WDR64: variants seen among roughly 807,000 people sequenced by gnomAD.
The protein encoded by WDR64 is WD repeat domain 64.
Under a neutral mutation model 139.3 loss-of-function variants are expected in WDR64, and 112 were observed. The observed-to-expected ratio is 0.80, with a 90% CI of 0.69 to 0.94. The LOEUF is 0.94. Among genes scored for constraint, WDR64 ranks in the 40% least tolerant of loss-of-function variants. The pLI, the probability that WDR64 is intolerant of heterozygous loss-of-function variation, is 0.00. For synonymous variants in WDR64, 444 were observed against 437.7 expected, an observed-to-expected ratio of 1.01 and a Z score of -0.18; for missense variants, 1,206 against 1,293.1, an observed-to-expected ratio of 0.93 and a Z score of 1.03.
intron 12 of WDR64, among the ~76,000 whole-genome samples, chr1:241,741,968 A>G (rs147048502): frequency 1.3e-5 from 2 of 152,302 alleles, no homozygotes; most frequent in Admixed American, 1.3e-4. Context: ...TGATTTTTTT[A>G]AAGGAGTACG....
At chr1:241,765,479 G>A (rs1488828741) in intron 15 of WDR64, among the ~76,000 whole-genome samples, 2 of 152,176 alleles carry the variant, frequency 1.3e-5, no homozygotes, top group African/African-American at 4.8e-5. Flanking sequence ...AAAAAGAAAA[G>A]TCGCAGAGAC....
Position 241,790,773 on chromosome 1 carries a change from T to A in WDR64, c.2997+77T>A, listed in dbSNP as rs893018325. 3 of 1,042,688 alleles carry A rather than the reference T, an allele frequency of 2.9e-6. No individual in the cohort carries two copies. In the African/African-American group the frequency reaches 4.8e-5, roughly 17 times the overall value. 64.6% of individuals were successfully genotyped at this position (1,042,688 alleles called of 1,614,324 possible). On this transcript the variant is annotated intron_variant, in intron 25 of 27. Transcript: ENST00000437684. ...GCTTTTGTTTTTCTGAATTCAAATATGTCCAGTAATATAACATATTAATTT... is the reference window on the plus strand; with the variant it reads ...GCTTTTGTTTTTCTGAATTCAAATAAGTCCAGTAATATAACATATTAATTT...
chr1:241,763,613 G>A (rs540770460), intron 15 of WDR64, among the ~76,000 whole-genome samples: 50 of 152,300 alleles, frequency 3.3e-4, no homozygotes, highest in Non-Finnish European at 3.4e-4. Flanking sequence ...GCTGAGGCAT[G>A]AGAATCACTT....
chr1:241,767,998 G>A (rs1020053017), intron 16 of WDR64, among the ~76,000 whole-genome samples: 1 of 152,040 alleles, frequency 6.6e-6, no homozygotes, highest in Admixed American at 6.6e-5. Flanking sequence ...ATGCTTTCAC[G>A]CTGTGTCAGC....
chr1:241,786,791 T>C (rs1659053966), intron 23 of WDR64, among the ~76,000 whole-genome samples: 1 of 152,142 alleles, frequency 6.6e-6, no homozygotes, highest in Admixed American at 6.5e-5. Context: ...GAACGGGCAG[T>C]GTTATTTTCC....
intron 10 of WDR64, among the ~76,000 whole-genome samples, chr1:241,725,644 C>T (rs1207931951): frequency 6.6e-6 from 1 of 152,158 alleles, no homozygotes; most frequent in East Asian, 1.9e-4. Flanking sequence ...CACCCGGCAC[C>T]TGCCTCCTCC....
chr1:241,723,335 A>G lies in WDR64; in HGVS notation c.1093A>G (p.Ser365Gly), dbSNP rs1668676753. 1 of 1,613,930 alleles carries G rather than the reference A, an allele frequency of 6.2e-7. No homozygotes were observed. Among genetic ancestry groups the G allele is most frequent in the Admixed American group, 1.7e-5 (1 of 60,002 alleles). The change falls in exon 10 of 28, where the codon AGC (serine) becomes GGC (glycine). Residue 365 changes from serine (S) to glycine (G), a missense_variant. Coordinates refer to ENST00000437684, the MANE Select transcript of WDR64 (RefSeq NM_001367482.1). The part of the protein sequence containing the change: ...KVIRLWHPNI[S>G]TKPVGKLVGH... ...CATCCGGTTGTGGCACCCCAATATC[A>G]GCACCAAGCCAGTAGGGAAACTTGT...
intron 14 of WDR64, among the ~76,000 whole-genome samples, chr1:241,756,710 AGT>A (rs1434978069): frequency 1.3e-5 from 2 of 152,184 alleles, no homozygotes; most frequent in Non-Finnish European, 2.9e-5. Context: ...TAGCTAGAAA[AGT>A]TGAAGATATG....
chr1:241,785,437 T>C (rs191001099), intron 23 of WDR64, among the ~76,000 whole-genome samples: 4 of 152,244 alleles, frequency 2.6e-5, no homozygotes, highest in Non-Finnish European at 4.4e-5. Flanking sequence ...ACTAATTCCA[T>C]TCATGAAGAC....
chr1:241,733,227 C>A (rs1669161502), intron 10 of WDR64, among the ~76,000 whole-genome samples: 1 of 152,158 alleles, frequency 6.6e-6, no homozygotes, highest in Non-Finnish European at 1.5e-5. Flanking sequence ...GTAATCCCAG[C>A]ACTTTGGGGG....
intron 3 of WDR64, 80 bp from the exon 4 acceptor site, chr1:241,674,564 T>A: frequency 1.1e-6 from 1 of 921,782 alleles, no homozygotes; most frequent in Non-Finnish European, 1.6e-6. Context: ...GCCATATCAT[T>A]TTTTAAAAAA....
At chr1:241,760,923 G>A (rs1010542185) in intron 15 of WDR64, among the ~76,000 whole-genome samples, 1 of 151,844 alleles carries the variant, frequency 6.6e-6, no homozygotes, top group Admixed American at 6.6e-5. Context: ...CCACCACCAC[G>A]CCCGGCTAGT....
chr1:241,721,382 CTG>C (rs72102862), intron 9 of WDR64, among the ~76,000 whole-genome samples: 9,777 of 152,086 alleles, frequency 0.064, 1,051 homozygotes, highest in African/African-American at 0.22. Flanking sequence ...TAAATTATGA[CTG>C]TTAATAATTT....
At chr1:241,710,293 C>G (rs1183673375) in intron 8 of WDR64, among the ~76,000 whole-genome samples, 1 of 152,032 alleles carries the variant, frequency 6.6e-6, no homozygotes, top group African/African-American at 2.4e-5. Flanking sequence ...TGTTGCTAAT[C>G]TCTGAGGTTG....
chr1:241,784,720 C>A (rs1278076564), intron 23 of WDR64, among the ~76,000 whole-genome samples: 2 of 151,956 alleles, frequency 1.3e-5, no homozygotes, highest in Non-Finnish European at 2.9e-5. Context: ...CTTTGGGAGG[C>A]CGAGGCGGGT....
At chr1:241,750,756 G>C (rs1407835906) in intron 14 of WDR64, among the ~76,000 whole-genome samples, 1 of 152,302 alleles carries the variant, frequency 6.6e-6, no homozygotes, top group East Asian at 1.9e-4. Context: ...CCTGCAGATT[G>C]ATCTTGGTAG....
At chr1:241,712,097 T>C (rs1668193842) in intron 9 of WDR64, among the ~76,000 whole-genome samples, 1 of 152,240 alleles carries the variant, frequency 6.6e-6, no homozygotes, top group South Asian at 2.1e-4. Flanking sequence ...TGTATTTTAC[T>C]AGAATTTGTT....
intron 8 of WDR64, among the ~76,000 whole-genome samples, chr1:241,697,626 C>T (rs1192397156): frequency 6.6e-6 from 1 of 152,184 alleles, no homozygotes; most frequent in Non-Finnish European, 1.5e-5. Context: ...AAGTCTCTGT[C>T]GATATGAGTA....
In WDR64 at chr1:241,790,576, T is replaced by G; in HGVS notation, c.2892-15T>G. On this transcript the variant is annotated splice_polypyrimidine_tract_variant and intron_variant, in intron 24 of 27. Transcript: ENST00000437684. The stretch of plus-strand genomic sequence containing the variant: ...AGGTATGGGTATGTACTTATTCTTG[T>G]ATCTTTATATGCAGATGGAGAAAAA... 1 of 1,593,516 alleles carries G rather than the reference T, an allele frequency of 6.3e-7. No homozygotes were observed. The highest frequency in any genetic ancestry group is 1.4e-5 in the African/African-American group (1 of 74,004).
Sources: gnomAD v4.1 joint callset for allele counts (sites outside exome capture counted in the v4.1 genomes callset) on GRCh38, gnomAD v4.1.1 for gene constraint, MANE v1.5 for transcripts, NCBI Gene and HGNC (gene_info 2026-07-23, HGNC 2026-07-21) for gene names.